The following FAM53B variants were observed in gnomAD, a reference collection of about 807,000 sequenced individuals.
The protein encoded by FAM53B is protein FAM53B.
A neutral mutation model predicts 32.7 loss-of-function variants in FAM53B; 12 were observed. That is an observed-to-expected ratio of 0.37 (90% confidence interval 0.24 to 0.59). The LOEUF (loss-of-function observed/expected upper bound fraction) is 0.59, where lower values mean the gene tolerates loss of function less well. FAM53B is among the 20% of genes least tolerant of loss of function. The pLI is 0.72. For synonymous variants in FAM53B, 234 were observed against 228.7 expected, an observed-to-expected ratio of 1.02 and a Z score of -0.21; for missense variants, 477 against 577.7, an observed-to-expected ratio of 0.83 and a Z score of 1.79.
chr10:124,677,495 C>T (rs1286772843), intron 4 of FAM53B, among the ~76,000 whole-genome samples: 3 of 152,268 alleles, frequency 2.0e-5, no homozygotes, highest in Non-Finnish European at 4.4e-5. Flanking sequence ...GGACAACCTG[C>T]TCTGTGGAAC....
chr10:124,691,014 C>T (rs749995744), intron 3 of FAM53B, among the ~76,000 whole-genome samples: 6 of 152,166 alleles, frequency 3.9e-5, no homozygotes, highest in Non-Finnish European at 7.3e-5. Context: ...TTTGATTCTT[C>T]GTTTATTTGT....
At chr10:124,743,578 G>C (rs1180579383) in intron 1 of FAM53B, among the ~76,000 whole-genome samples, 1 of 152,168 alleles carries the variant, frequency 6.6e-6, no homozygotes, top group Non-Finnish European at 1.5e-5. Flanking sequence ...CGGGAACTTC[G>C]GGGCGAATGG....
At chr10:124,656,376 G>A (rs1243906678) in intron 4 of FAM53B, among the ~76,000 whole-genome samples, 8 of 152,250 alleles carry the variant, frequency 5.3e-5, no homozygotes, top group Admixed American at 6.5e-5. Flanking sequence ...GTTCCCCGAC[G>A]CCATGGCCCT....
chr10:124,719,574 C>T lies in FAM53B; in HGVS notation c.-174-12687G>A, dbSNP rs987050221. On this transcript the variant is annotated intron_variant, in intron 1 of 4. Coordinates refer to ENST00000337318, the MANE Select transcript of FAM53B (RefSeq NM_014661.4). ...ACAAAGATTCATTCTATTGTTTGTCCGCAGCACACCCCAAAATGCTTGAAA... is the reference window on the plus strand; with the variant it reads ...ACAAAGATTCATTCTATTGTTTGTCTGCAGCACACCCCAAAATGCTTGAAA... 6.6e-5 allele frequency among the ~76,000 whole-genome samples: 10 copies of T among 152,128 alleles called. No individual in the cohort carries two copies. The South Asian group carries it at 8.3e-4, about 13-fold the overall frequency.
chr10:124,662,439 C>T (rs948352689), intron 4 of FAM53B, among the ~76,000 whole-genome samples: 1 of 149,334 alleles, frequency 6.7e-6, no homozygotes. Flanking sequence ...TCCATCCATC[C>T]ACCCACCCAC....
chr10:124,743,759 C>G (rs1950214322), intron 1 of FAM53B, among the ~76,000 whole-genome samples: 1 of 152,078 alleles, frequency 6.6e-6, no homozygotes. Context: ...CATGCCTGTG[C>G]TCTGACAAGT....
intron 3 of FAM53B, among the ~76,000 whole-genome samples, chr10:124,689,632 A>G (rs1949822073): frequency 6.6e-6 from 1 of 152,244 alleles, no homozygotes; most frequent in South Asian, 2.1e-4. Context: ...GCGGGTCTGC[A>G]GGACTCTGGG....
intron 4 of FAM53B, among the ~76,000 whole-genome samples, chr10:124,661,732 T>C (rs1287470107): frequency 6.6e-6 from 1 of 152,224 alleles, no homozygotes; most frequent in African/African-American, 2.4e-5. Flanking sequence ...AGGCCACCAT[T>C]ACTGCCCCCG....
At chr10:124,627,907 G>C (rs887830988) in intron 4 of FAM53B, among the ~76,000 whole-genome samples, 11 of 134,314 alleles carry the variant, frequency 8.2e-5, no homozygotes, top group Non-Finnish European at 1.8e-4. Context: ...CTGAGTCCAC[G>C]GGGATACAGA....
intron 4 of FAM53B, among the ~76,000 whole-genome samples, chr10:124,672,520 C>A (rs1174237258): frequency 6.6e-6 from 1 of 152,230 alleles, no homozygotes; most frequent in African/African-American, 2.4e-5. Flanking sequence ...ATCACAGGCC[C>A]CTTGTTTCCC....
chr10:124,640,430 G>A (rs961980616), intron 4 of FAM53B, among the ~76,000 whole-genome samples: 1 of 152,328 alleles, frequency 6.6e-6, no homozygotes, highest in East Asian at 1.9e-4. Flanking sequence ...TGAAGAATGT[G>A]CAGGGCTTGG....
chr10:124,652,523 G>A (rs1949562954), intron 4 of FAM53B, among the ~76,000 whole-genome samples: 1 of 152,188 alleles, frequency 6.6e-6, no homozygotes. Context: ...GGGTGACCAT[G>A]GCCAGCCACT....
intron 4 of FAM53B, among the ~76,000 whole-genome samples, chr10:124,634,420 C>G (rs1949413065): frequency 6.6e-6 from 1 of 152,194 alleles, no homozygotes; most frequent in Non-Finnish European, 1.5e-5. Flanking sequence ...TTCCCATAAT[C>G]CCCACGTTTC....
Position 124,704,191 on chromosome 10 carries a change from G to A in FAM53B, c.78+2445C>T, listed in dbSNP as rs149044613. 8.0e-3 allele frequency: 1,212 copies of A among 152,448 alleles called. 6 individuals are homozygous for A. Among genetic ancestry groups the A allele is most frequent in the South Asian group, 0.022 (104 of 4,832 alleles). 9.4% of individuals were successfully genotyped at this position (152,448 alleles called of 1,614,324 possible). On this transcript the variant is annotated intron_variant, in intron 2 of 4. Coordinates refer to ENST00000337318, the MANE Select transcript of FAM53B (RefSeq NM_014661.4). The stretch of plus-strand genomic sequence containing the variant: ...CTACTCTAGTCGCACCCACTCAGTC[G>A]TGAACTGGAGCAGCAGCCAGAGAGA...
At chr10:124,672,092 G>A (rs1949710228) in intron 4 of FAM53B, among the ~76,000 whole-genome samples, 1 of 152,214 alleles carries the variant, frequency 6.6e-6, no homozygotes, top group South Asian at 2.1e-4. Context: ...CTGATGCAGT[G>A]CCTGGGGCGA....
chr10:124,624,376 T>G (rs1949331973), intron 4 of FAM53B, among the ~76,000 whole-genome samples: 3 of 152,300 alleles, frequency 2.0e-5, no homozygotes, highest in East Asian at 1.9e-4. Context: ...AAGGGAGTGG[T>G]CCTGTGCCCT....
chr10:124,741,710 A>AAAT (rs1361955012), intron 1 of FAM53B, among the ~76,000 whole-genome samples: 1 of 152,234 alleles, frequency 6.6e-6, no homozygotes, highest in Admixed American at 6.5e-5. Flanking sequence ...AGAGCCCAGG[A>AAAT]AATAATACCA....
chr10:124,633,460 A>G (rs904286593), intron 4 of FAM53B, among the ~76,000 whole-genome samples: 4 of 152,216 alleles, frequency 2.6e-5, no homozygotes, highest in Admixed American at 1.3e-4. Flanking sequence ...TAATGAAAAA[A>G]TAAACAAGTG....
chr10:124,737,685 A>C (rs1036531628), intron 1 of FAM53B, among the ~76,000 whole-genome samples: 3 of 152,172 alleles, frequency 2.0e-5, no homozygotes, highest in Non-Finnish European at 4.4e-5. Flanking sequence ...TGGCCATTCT[A>C]AACACAATTC....
Sources: allele counts gnomAD v4.1 joint callset (sites outside exome capture counted in the v4.1 genomes callset), GRCh38; gene constraint gnomAD v4.1.1; transcripts MANE v1.5; gene names NCBI Gene and HGNC (gene_info 2026-07-23, HGNC 2026-07-21).